PROK1: variants seen among roughly 807,000 people sequenced by gnomAD.
The protein encoded by PROK1 is prokineticin 1, also known as prokineticin-1.
Under a neutral mutation model 8.8 loss-of-function variants are expected in PROK1, and 10 were observed. That is an observed-to-expected ratio of 1.13 (90% CI 0.70 to 1.92). PROK1 has a LOEUF of 1.92. PROK1 is among the 30% of genes most tolerant of loss of function. The probability of loss-of-function intolerance (pLI) is 0.00; values close to 1 mark genes in which losing one functional copy is unlikely to be tolerated. For synonymous variants in PROK1, 57 were observed against 56.0 expected (o/e 1.02, Z -0.08); for missense variants, 140 against 139.7 (o/e 1.00, Z -0.01).
rs970609476 is a variant in PROK1, at chr1:110,456,234, C to A, written c.201C>A (p.Val67=). The change falls in exon 3 of 3, where the codon GTC becomes GTA. Residue 67 remains valine (V), a splice_region_variant and synonymous_variant. Coordinates refer to ENST00000271331, the MANE Select transcript of PROK1 (RefSeq NM_032414.3). ...GEECHPGSHK[V]PFFRKRKHHT... ...GTGTTGATTTCTTCTCTCCTTAGGT[C>A]CCCTTCTTCAGGAAACGCAAGCACC... The A allele has an allele frequency of 6.2e-7, 1 of 1,612,618 alleles. No homozygotes were observed. The highest frequency in any genetic ancestry group is 8.5e-7 in the Non-Finnish European group (1 of 1,180,008).
intron 2 of PROK1, among the ~76,000 whole-genome samples, chr1:110,455,378 C>T (rs896234386): frequency 2.6e-5 from 4 of 152,220 alleles, no homozygotes; most frequent in South Asian, 2.1e-4. Context: ...AGGCACGGAG[C>T]GTCCTCCAGC....
At position 110,456,617 on chromosome 1, in the gene PROK1, G is replaced by T. The variant is rs532554811; in HGVS notation, c.*266G>T. The stretch of plus-strand genomic sequence containing the variant: ...TCTCTTCCCTGCTCAGGCTGCCAGA[G>T]AGGTGGTAAATGGCAGAAAGGACAT... On this transcript the variant is annotated 3_prime_UTR_variant, in exon 3 of 3. Transcript: ENST00000271331. 7.1e-4 allele frequency: 352 copies of T among 497,878 alleles called. 7 individuals are homozygous for T. Among genetic ancestry groups the T allele is most frequent in the South Asian group, 6.8e-3 (337 of 49,554 alleles). The allele number at this position is 497,878 out of a possible 1,614,324, so 30.8% of individuals were successfully genotyped here.
intron 2 of PROK1, among the ~76,000 whole-genome samples, chr1:110,455,629 C>G (rs1298711600): frequency 1.3e-5 from 2 of 152,186 alleles, no homozygotes; most frequent in Non-Finnish European, 2.9e-5. Context: ...TCTTTATAAC[C>G]ACATGTGGTA....
intron 1 of PROK1, among the ~76,000 whole-genome samples, chr1:110,453,253 G>C (rs911068596): frequency 2.0e-5 from 3 of 152,202 alleles, no homozygotes; most frequent in Non-Finnish European, 4.4e-5. Flanking sequence ...GTCTTCCCCG[G>C]CTCTGGCTTT....
chr1:110,452,315 G>A (rs1387902450), intron 1 of PROK1, among the ~76,000 whole-genome samples: 1 of 152,144 alleles, frequency 6.6e-6, no homozygotes, highest in African/African-American at 2.4e-5. Flanking sequence ...AATATTAAAG[G>A]CGAGTCAAAT....
chr1:110,453,366 C>T (rs543034352), intron 1 of PROK1, among the ~76,000 whole-genome samples: 19 of 152,314 alleles, frequency 1.2e-4, no homozygotes, highest in African/African-American at 2.2e-4. Context: ...TCCTGTTCTG[C>T]GATCCTCTCT....
chr1:110,452,988 C>T lies in PROK1; in HGVS notation c.73-973C>T, dbSNP rs72975132. Among the ~76,000 whole-genome samples, 392 of 152,236 alleles carry T rather than the reference C, an allele frequency of 2.6e-3. 1 individual carries two copies. Among genetic ancestry groups the T allele is most frequent in the African/African-American group, 8.8e-3 (367 of 41,530 alleles). On this transcript the variant is annotated intron_variant, in intron 1 of 2. Coordinates refer to ENST00000271331, the MANE Select transcript of PROK1 (RefSeq NM_032414.3). ...CAGGCACAGCTGGGTGCCCACCACC[C>T]GTAACTCCTCTGCATGATCTGTGGA...
At chr1:110,451,415 G>A (rs2101146943) in intron 1 of PROK1, 127 bp downstream of exon 1, 3 of 799,786 alleles carry the variant, frequency 3.8e-6, no homozygotes. Context: ...AGGGAATGGG[G>A]AATTATGCAT....
At chr1:110,453,524 G>A (rs1664122299) in intron 1 of PROK1, among the ~76,000 whole-genome samples, 1 of 152,174 alleles carries the variant, frequency 6.6e-6, no homozygotes, top group Non-Finnish European at 1.5e-5. Flanking sequence ...CAGAGTCAGG[G>A]CTGGAGACTC....
In PROK1 at chr1:110,453,962, C is replaced by A. The variant is rs202098995; in HGVS notation, c.74C>A (p.Ala25Asp). 7.4e-6 allele frequency: 12 copies of A among 1,614,116 alleles called. No homozygotes were observed. In the Admixed American group the frequency reaches 1.3e-4, roughly 18 times the overall value. The change falls in exon 2 of 3, where the codon GCC (alanine) becomes GAC (aspartate). Residue 25 changes from alanine to aspartate, a missense_variant and splice_region_variant. Coordinates refer to ENST00000271331, the MANE Select transcript of PROK1 (RefSeq NM_032414.3). ...TTCCCTTCTCTCTCCCTCCTACAGG[C>A]CTGTGAGCGGGATGTCCAGTGTGGG... ...TVSDCAVITGACERDVQCGAG... is the reference protein window; with the variant it reads ...TVSDCAVITGDCERDVQCGAG...
chr1:110,453,293 G>A (rs578225218), intron 1 of PROK1, among the ~76,000 whole-genome samples: 1 of 152,330 alleles, frequency 6.6e-6, no homozygotes, highest in Admixed American at 6.5e-5. Context: ...TTAAATGTGA[G>A]CTTATTTAAT....
intron 1 of PROK1, 113 bp downstream of exon 1, chr1:110,451,401 C>T: frequency 2.2e-6 from 2 of 893,554 alleles, no homozygotes; most frequent in South Asian, 1.4e-5. Flanking sequence ...ACAGTGTGAA[C>T]CAAAGGGAAT....
rs560528317 is a variant in PROK1 at position 110,456,903 on chromosome 1, G to A, written c.*552G>A. The stretch of plus-strand genomic sequence containing the variant: ...GATTGGCTCTTCCCAGAGGGCAGCA[G>A]ACAGTCACCCCAAGGCAGGTGTAGG... On this transcript the variant is annotated 3_prime_UTR_variant, in exon 3 of 3. Transcript: ENST00000271331. 24 of 184,962 alleles carry A rather than the reference G, an allele frequency of 1.3e-4. No homozygotes were observed. The highest frequency in any genetic ancestry group is 2.1e-4 in the Non-Finnish European group (18 of 86,974). The allele number at this position is 184,962 out of a possible 1,614,324, so 11.5% of individuals were successfully genotyped here. A position where few individuals can be genotyped will look rare whatever the true frequency, so the allele number is the denominator to read the frequency against.
At chr1:110,455,166 G>A (rs1227678678) in intron 2 of PROK1, among the ~76,000 whole-genome samples, 1 of 152,208 alleles carries the variant, frequency 6.6e-6, no homozygotes, top group Non-Finnish European at 1.5e-5. Flanking sequence ...CATATTAGAA[G>A]GCAATTAGGG....
chr1:110,456,172 T>A, intron 2 of PROK1, 60 bp from the exon 3 acceptor site: 2 of 1,594,066 alleles, frequency 1.3e-6, no homozygotes, highest in Non-Finnish European at 1.7e-6. Context: ...GAGCAGAGAC[T>A]GCTGCCAGGA....
In PROK1 at chr1:110,456,460, C is replaced by A; in HGVS notation, c.*109C>A. 1 of 1,340,022 alleles carries A rather than the reference C, an allele frequency of 7.5e-7. No homozygotes were observed. Among genetic ancestry groups the A allele is most frequent in the Non-Finnish European group, 1.1e-6 (1 of 947,204 alleles). 83.0% of individuals were successfully genotyped at this position (1,340,022 alleles called of 1,614,324 possible). ...ATGACTCTCCCAGTCCCTACACTGA[C>A]TACCCTGATCTCTCTTGTCTAGTAC... On this transcript the variant is annotated 3_prime_UTR_variant, in exon 3 of 3. Coordinates refer to ENST00000271331, the MANE Select transcript of PROK1 (RefSeq NM_032414.3).
intron 2 of PROK1, among the ~76,000 whole-genome samples, chr1:110,455,988 A>G (rs780866522): frequency 6.6e-6 from 1 of 152,218 alleles, no homozygotes; most frequent in Non-Finnish European, 1.5e-5. Context: ...CTCCAGAGCC[A>G]GGTAGCCTGG....
At chr1:110,455,279 T>C (rs1178067131) in intron 2 of PROK1, among the ~76,000 whole-genome samples, 1 of 152,230 alleles carries the variant, frequency 6.6e-6, no homozygotes, top group African/African-American at 2.4e-5. Flanking sequence ...ACACAGGCTT[T>C]CAGGCTTACC....
At chr1:110,454,455 T>TC (rs1192583644) in intron 2 of PROK1, among the ~76,000 whole-genome samples, 1 of 152,228 alleles carries the variant, frequency 6.6e-6, no homozygotes, top group Non-Finnish European at 1.5e-5. Flanking sequence ...TATTTGATCC[T>TC]CACTGCAACC....
Sources: gnomAD v4.1 joint callset for allele counts (sites outside exome capture counted in the v4.1 genomes callset) on GRCh38, gnomAD v4.1.1 for gene constraint, MANE v1.5 for transcripts, NCBI Gene and HGNC (gene_info 2026-07-23, HGNC 2026-07-21) for gene names.